RGS3: variants seen among roughly 807,000 people sequenced by gnomAD.
RGS3 encodes regulator of G-protein signalling 3.
A neutral mutation model predicts 132.6 loss-of-function variants in RGS3; 80 were observed. That is an observed-to-expected ratio of 0.60 (90% confidence interval 0.50 to 0.73). RGS3 has a LOEUF of 0.73. Ranked by LOEUF, RGS3 falls within the 30% of genes least tolerant of loss-of-function variation. The probability of loss-of-function intolerance (pLI) is 0.00; values close to 1 mark genes in which losing one functional copy is unlikely to be tolerated. For missense variants in RGS3, 1,382 were observed against 1,530.8 expected, an observed-to-expected ratio of 0.90 and a Z score of 1.62; for synonymous variants, 598 against 620.6, an observed-to-expected ratio of 0.96 and a Z score of 0.54.
At chr9:113,493,237 G>A (rs567227296) in intron 7 of RGS3, among the ~76,000 whole-genome samples, 4 of 152,374 alleles carry the variant, frequency 2.6e-5, no homozygotes, top group South Asian at 4.1e-4. Context: ...CTTCCCAAGG[G>A]GGAGGAGTAT....
At chr9:113,482,979 G>A (rs1301938877) in intron 4 of RGS3, 80 bp from the exon 3 acceptor site, 5 of 1,608,602 alleles carry the variant, frequency 3.1e-6, no homozygotes, top group Non-Finnish European at 4.2e-6. Context: ...GGATGGATAT[G>A]TCTATGTGTG....
At chr9:113,530,122 T>C (rs925246961) in intron 18 of RGS3, among the ~76,000 whole-genome samples, 2 of 152,282 alleles carry the variant, frequency 1.3e-5, no homozygotes, top group East Asian at 3.9e-4. Context: ...AGGGAACCTG[T>C]TTTGTGGGAG....
intron 3 of RGS3, among the ~76,000 whole-genome samples, chr9:113,472,532 G>A (rs955915982): frequency 1.1e-4 from 16 of 152,166 alleles, no homozygotes; most frequent in East Asian, 3.8e-4. Flanking sequence ...AAGACCATGC[G>A]TTGTGTGATT....
chr9:113,499,842 C>T (rs137880417), intron 10 of RGS3, among the ~76,000 whole-genome samples: 101 of 152,304 alleles, frequency 6.6e-4, no homozygotes, highest in African/African-American at 2.2e-3. Context: ...TGTCTAGCTG[C>T]GACTGGGTTA....
chr9:113,565,773 A>G lies in RGS3; in HGVS notation c.2038-17677A>G, dbSNP rs6478023. ...AGGACTGTGTGTGTGGTGGGCGGGC[A>G]TCCAAGCCACCCTGTGCCCCTGTTT... is the stretch of plus-strand genomic sequence containing the variant. On this transcript the variant is annotated intron_variant, in intron 19 of 24. Coordinates refer to ENST00000350696, the Ensembl canonical transcript of RGS3. The surrounding 1 kb of genome is among the most constrained non-coding windows in gnomAD (Gnocchi z 5.7). The G allele has an allele frequency of 0.11, 21,451 of 198,788 alleles. 1,478 individuals carry two copies. The highest frequency in any genetic ancestry group is 0.19 in the African/African-American group (8,144 of 42,558). 12.3% of individuals were successfully genotyped at this position (198,788 alleles called of 1,614,324 possible). A position where few individuals can be genotyped will look rare whatever the true frequency, so the allele number is the denominator to read the frequency against.
At chr9:113,491,223 G>A (rs1830510881) in intron 7 of RGS3, among the ~76,000 whole-genome samples, 1 of 145,936 alleles carries the variant, frequency 6.9e-6, no homozygotes, top group Non-Finnish European at 1.5e-5. Flanking sequence ...TGTAATTAAA[G>A]AATGTTATAT....
At chr9:113,467,260 T>C (rs962823450) in intron 3 of RGS3, among the ~76,000 whole-genome samples, 3 of 152,236 alleles carry the variant, frequency 2.0e-5, no homozygotes, top group African/African-American at 7.2e-5. Flanking sequence ...GTAGATTTGC[T>C]GAGTCCTATG....
chr9:113,480,777 A>G (rs765635538), intron 4 of RGS3, among the ~76,000 whole-genome samples: 1 of 152,232 alleles, frequency 6.6e-6, no homozygotes, highest in Non-Finnish European at 1.5e-5. Flanking sequence ...AGCACAGCAC[A>G]GGAAGAGTTC....
At chr9:113,581,038 G>GGGGGGGGGA in intron 19 of RGS3, 1 of 145,840 alleles carries the variant, frequency 6.9e-6, no homozygotes, top group Non-Finnish European at 1.5e-5. Context: ...GGGTCGGGGG[G>GGGGGGGGGA]AGGTCTGGCC....
chr9:113,485,812 A>C, intron 7 of RGS3, 119 bp downstream of exon 5: 1 of 684,040 alleles, frequency 1.5e-6, no homozygotes. Context: ...TGATAGTGGC[A>C]ATACTAAATT....
chr9:113,481,570 T>G (rs1384808557), intron 4 of RGS3, among the ~76,000 whole-genome samples: 1 of 152,118 alleles, frequency 6.6e-6, no homozygotes, highest in Non-Finnish European at 1.5e-5. Context: ...GTGCAAACAG[T>G]TTTTGCAAAA....
chr9:113,479,624 G>C lies in RGS3; in HGVS notation c.466+83G>C, dbSNP rs1042989889. ...CTGGGGCTGGGGTTGGGGGATGGTG[G>C]CACCATGGGCCAAGGCTTCTTTTCT... On this transcript the variant is annotated intron_variant, in intron 4 of 24. Transcript: ENST00000350696. 14 of 1,242,194 alleles carry C rather than the reference G, an allele frequency of 1.1e-5. No homozygotes were observed. The East Asian group carries it at 3.2e-4, about 29-fold the overall frequency. 76.9% of individuals were successfully genotyped at this position (1,242,194 alleles called of 1,614,324 possible).
chr9:113,462,159 C>G (rs781250226), exon 3 of RGS3: 3 of 1,613,978 alleles, frequency 1.9e-6, no homozygotes, highest in Admixed American at 3.3e-5. Context: ...TCAAACTTCT[C>G]CAGCCAGGAA....
chr9:113,514,398 A>G, intron 14 of RGS3, 60 bp from the exon 13 acceptor site: 19 of 1,468,562 alleles, frequency 1.3e-5, no homozygotes, highest in Non-Finnish European at 1.6e-5. Context: ...GTTTCTACAG[A>G]GGGGACACCT....
At chr9:113,454,154 C>G (rs563483820) in intron 1 of RGS3, among the ~76,000 whole-genome samples, 4 of 152,228 alleles carry the variant, frequency 2.6e-5, no homozygotes, top group African/African-American at 9.6e-5. Flanking sequence ...TATTGATTTT[C>G]TCCTTATTAT....
chr9:113,474,219 C>T (rs899560268), intron 3 of RGS3, among the ~76,000 whole-genome samples: 1 of 152,144 alleles, frequency 6.6e-6, no homozygotes, highest in Non-Finnish European at 1.5e-5. Context: ...TCACAGGAAG[C>T]AGAGAGGCCA....
intron 8 of RGS3, among the ~76,000 whole-genome samples, chr9:113,496,779 G>C (rs1830697344): frequency 6.6e-6 from 1 of 152,100 alleles, no homozygotes. Context: ...TCAAACTCCT[G>C]ACCTCAGGTG....
At chr9:113,478,157 C>T (rs1830052492) in intron 3 of RGS3, among the ~76,000 whole-genome samples, 1 of 152,144 alleles carries the variant, frequency 6.6e-6, no homozygotes, top group South Asian at 2.1e-4. Context: ...GCCACTCATT[C>T]TTGCCCTGCC....
chr9:113,559,538 C>T (rs1833707207), intron 19 of RGS3, among the ~76,000 whole-genome samples: 1 of 152,168 alleles, frequency 6.6e-6, no homozygotes. Context: ...TTGGGAGCCA[C>T]CGTTTCCATT....
Sources: gnomAD v4.1 joint callset for allele counts (sites outside exome capture counted in the v4.1 genomes callset) on GRCh38, gnomAD v4.1.1 for gene constraint, Gnocchi (gnomAD v3.1) non-coding constraint, MANE v1.5 for transcripts, NCBI Gene and HGNC (gene_info 2026-07-23, HGNC 2026-07-21) for gene names.